The following EFCAB3 variants were observed in gnomAD, a reference collection of about 807,000 sequenced individuals.
EFCAB3 encodes EF-hand calcium binding domain 3.
Under a neutral mutation model 42.2 loss-of-function variants are expected in EFCAB3, and 36 were observed. That is an observed-to-expected ratio of 0.85 (90% CI 0.65 to 1.13). EFCAB3 has a LOEUF of 1.13. Ranked by LOEUF, EFCAB3 falls within the 50% of genes most tolerant of loss-of-function variation. The pLI, the probability that EFCAB3 is intolerant of heterozygous loss-of-function variation, is 0.00. For missense variants in EFCAB3, 418 were observed against 505.1 expected, an observed-to-expected ratio of 0.83 and a Z score of 1.65; for synonymous variants, 170 against 172.8, an observed-to-expected ratio of 0.98 and a Z score of 0.13.
intron 1 of EFCAB3, chr17:62,380,850 C>G (rs2070190650): frequency 6.5e-6 from 1 of 152,800 alleles, no homozygotes; most frequent in African/African-American, 2.4e-5. Flanking sequence ...TTTCTGGGCT[C>G]TGAGGTGGAG....
upstream of EFCAB3, among the ~76,000 whole-genome samples, chr17:62,378,183 C>G (rs2070165519): frequency 6.6e-6 from 1 of 152,200 alleles, no homozygotes; most frequent in Non-Finnish European, 1.5e-5. Context: ...AACTTTCTTT[C>G]TAAGTTCCTT....
At chr17:62,397,747 G>A (rs113693316) in intron 6 of EFCAB3, 10,165 of 445,014 alleles carry the variant, frequency 0.023, 872 homozygotes, top group African/African-American at 0.18. Flanking sequence ...ATGCTGGGCC[G>A]AGCACAGTGG....
At chr17:62,406,304 G>A (rs1220231709) in intron 6 of EFCAB3, among the ~76,000 whole-genome samples, 176 bp from the exon 7 acceptor site, 1 of 152,148 alleles carries the variant, frequency 6.6e-6, no homozygotes, top group South Asian at 2.1e-4. Flanking sequence ...CCTGTGGAAG[G>A]TATCAGTAAA....
intron 1 of EFCAB3, among the ~76,000 whole-genome samples, chr17:62,371,398 TA>T (rs201092931): frequency 0.19 from 27,723 of 148,138 alleles, 2,623 homozygotes; most frequent in Middle Eastern, 0.21. Context: ...CTACTAAAAA[TA>T]AAAAAAAAAT....
At chr17:62,395,231 A>T in intron 6 of EFCAB3, 43 bp downstream of exon 6, 1 of 1,603,706 alleles carries the variant, frequency 6.2e-7, no homozygotes, top group Non-Finnish European at 8.5e-7. Flanking sequence ...TCTCAGAAGC[A>T]TTATGAAGAT....
intron 6 of EFCAB3, among the ~76,000 whole-genome samples, chr17:62,404,000 G>T (rs776481026): frequency 6.6e-6 from 1 of 152,076 alleles, no homozygotes. Flanking sequence ...TTTAACTCGG[G>T]TCCTCAAATA....
intron 8 of EFCAB3, among the ~76,000 whole-genome samples, chr17:62,411,815 AG>A (rs1567729227): frequency 3.2e-4 from 38 of 117,986 alleles, no homozygotes; most frequent in Non-Finnish European, 6.1e-4. Context: ...GGAGGGAGGG[AG>A]GGAGGGAGGG....
At chr17:62,412,800 G>A (rs918812769) in intron 8 of EFCAB3, among the ~76,000 whole-genome samples, 3 of 151,490 alleles carry the variant, frequency 2.0e-5, no homozygotes, top group African/African-American at 7.3e-5. Flanking sequence ...AAAACAGTAT[G>A]ATATTAACAG....
chr17:62,398,759 T>G (rs1179349049), intron 6 of EFCAB3, among the ~76,000 whole-genome samples: 2 of 151,820 alleles, frequency 1.3e-5, no homozygotes, highest in East Asian at 3.9e-4. Context: ...AAGTCAGAAA[T>G]ATGTGGATAT....
intron 6 of EFCAB3, among the ~76,000 whole-genome samples, chr17:62,396,079 A>G (rs192326678): frequency 5.2e-4 from 79 of 152,210 alleles, no homozygotes; most frequent in Admixed American, 4.9e-3. Flanking sequence ...TAACTTCTCA[A>G]TCTCAGTTTC....
chr17:62,406,272 A>G (rs2070446485), intron 6 of EFCAB3, among the ~76,000 whole-genome samples: 1 of 152,208 alleles, frequency 6.6e-6, no homozygotes, highest in Non-Finnish European at 1.5e-5. Context: ...GCCAAGGAAT[A>G]CAGATATAAA....
intron 9 of EFCAB3, among the ~76,000 whole-genome samples, chr17:62,415,265 C>T (rs977695947): frequency 6.6e-5 from 10 of 152,152 alleles, no homozygotes; most frequent in Admixed American, 2.6e-4. Flanking sequence ...AAGAGCCAAC[C>T]ATGGCACTGT....
rs1413176438 is a variant in EFCAB3, at chr17:62,395,148, A to G, written c.448A>G (p.Thr150Ala). 5 of 1,614,028 alleles carry G rather than the reference A, an allele frequency of 3.1e-6. No individual in the cohort carries two copies. Among genetic ancestry groups the G allele is most frequent in the Non-Finnish European group, 4.2e-6 (5 of 1,180,008 alleles). ...TGAAATCCTATCAAGGCTTCTAGAG[A>G]CTTCAGCCCTACCCAGAAAGTCTAT... ...LFEILSRLLE[T>A]SALPRKSIIE... The change falls in exon 6 of 10, where the codon ACT becomes GCT. Residue 150 changes from threonine (T) to alanine (A), a missense_variant. Transcript: ENST00000305286.
chr17:62,381,013 T>C (rs1260435424), intron 1 of EFCAB3, among the ~76,000 whole-genome samples: 3 of 152,178 alleles, frequency 2.0e-5, no homozygotes, highest in Non-Finnish European at 2.9e-5. Context: ...TTATTATTAT[T>C]ATACTTTAAG....
intron 1 of EFCAB3, chr17:62,370,369 T>C: frequency 1.3e-6 from 2 of 1,545,642 alleles, no homozygotes; most frequent in South Asian, 2.4e-5. Flanking sequence ...GAAGTGTATT[T>C]TTGGGCTGGG....
chr17:62,409,094 G>C (rs908095893), intron 8 of EFCAB3, among the ~76,000 whole-genome samples: 1 of 152,082 alleles, frequency 6.6e-6, no homozygotes, highest in Non-Finnish European at 1.5e-5. Context: ...GTCTTGCTCT[G>C]TTGCCCAGGC....
At chr17:62,408,371 A>C (rs1184651529) in intron 8 of EFCAB3, among the ~76,000 whole-genome samples, 1 of 152,164 alleles carries the variant, frequency 6.6e-6, no homozygotes, top group African/African-American at 2.4e-5. Flanking sequence ...TGCTTCTACT[A>C]TTGTCCCCTT....
At chr17:62,407,481 C>T (rs1475121231) in intron 8 of EFCAB3, among the ~76,000 whole-genome samples, 1 of 152,138 alleles carries the variant, frequency 6.6e-6, no homozygotes, top group Admixed American at 6.5e-5. Context: ...CTATCTCTGA[C>T]TGCTCCCCCA....
chr17:62,381,252 G>C (rs988592776), intron 1 of EFCAB3, among the ~76,000 whole-genome samples: 2 of 149,746 alleles, frequency 1.3e-5, no homozygotes, highest in Non-Finnish European at 3.0e-5. Context: ...CGCGGTGTTC[G>C]GTTTTTTGTC....
Sources: allele counts gnomAD v4.1 joint callset (sites outside exome capture counted in the v4.1 genomes callset), GRCh38; gene constraint gnomAD v4.1.1; transcripts MANE v1.5; gene names NCBI Gene and HGNC (gene_info 2026-07-23, HGNC 2026-07-21).